ASAH1: variants seen among roughly 807,000 people sequenced by gnomAD.
ASAH1 encodes the protein N-acylsphingosine amidohydrolase 1.
A neutral mutation model predicts 59.5 loss-of-function variants in ASAH1; 70 were observed. The ratio of observed to expected loss-of-function variants is 1.18; its 90% confidence interval spans 0.97 to 1.43. The LOEUF is 1.43. ASAH1 is among the 40% of genes most tolerant of loss of function. The pLI is 0.00. For synonymous variants in ASAH1, 213 were observed against 166.5 expected, an observed-to-expected ratio of 1.28 and a Z score of -2.15; for missense variants, 660 against 482.5, an observed-to-expected ratio of 1.37 and a Z score of -3.45.
chr8:18,084,355 A>C (rs1266676543), upstream of ASAH1: 17 of 1,408,710 alleles, frequency 1.2e-5, no homozygotes, highest in Non-Finnish European at 1.6e-5. Context: ...ACCGCGGGCA[A>C]TAGTCGGACC....
At chr8:18,079,361 G>C (rs1022889990) in intron 1 of ASAH1, among the ~76,000 whole-genome samples, 1 of 150,054 alleles carries the variant, frequency 6.7e-6, no homozygotes, top group Non-Finnish European at 1.5e-5. Flanking sequence ...CTGGTTATTT[G>C]ATAGAAACTT....
intron 4 of ASAH1, among the ~76,000 whole-genome samples, chr8:18,068,848 G>A (rs13278381): frequency 0.31 from 47,259 of 152,030 alleles, 8,354 homozygotes; most frequent in Admixed American, 0.4. Context: ...AACCCAGGCC[G>A]GGCATGGCGG....
intron 1 of ASAH1, 103 bp from the exon 2 acceptor site, chr8:18,075,690 T>C: frequency 1.9e-6 from 2 of 1,059,944 alleles, no homozygotes; most frequent in Non-Finnish European, 2.9e-6. Context: ...TCAAGTCTGA[T>C]ATTGCTCTTT....
chr8:18,063,430 C>T (rs552727195), intron 6 of ASAH1, 200 bp from the exon 7 acceptor site: 498 of 562,578 alleles, frequency 8.9e-4, no homozygotes, highest in Non-Finnish European at 1.3e-3. Context: ...CAGCCTTCCA[C>T]GTAGTTGGGA....
At chr8:18,083,819 C>T in intron 1 of ASAH1, 162 bp downstream of exon 1, 1 of 1,429,360 alleles carries the variant, frequency 7.0e-7, no homozygotes, top group East Asian at 2.5e-5. Flanking sequence ...GGTTCGCCAG[C>T]CCGCTCTGCA....
chr8:18,057,424 A>G lies in ASAH1; in HGVS notation c.*110T>C. 1 of 775,496 alleles carries G rather than the reference A, an allele frequency of 1.3e-6. No individual in the cohort carries two copies. The highest frequency in any genetic ancestry group is 1.4e-5 in the South Asian group (1 of 70,864). The allele number at this position is 775,496 out of a possible 1,614,324, so 48.0% of individuals were successfully genotyped here. A position where few individuals can be genotyped will look rare whatever the true frequency, so the allele number is the denominator to read the frequency against. On this transcript the variant is annotated 3_prime_UTR_variant, in exon 14 of 14. Coordinates refer to ENST00000637790, the MANE Select transcript of ASAH1 (RefSeq NM_177924.5). ...GAAGACAAGCTATTGACTCAAAGAG[A>G]ACCTGCCGCGAGTCTTAGTCTTTGG...
chr8:18,074,898 T>C (rs981394133), intron 2 of ASAH1, among the ~76,000 whole-genome samples: 5 of 152,088 alleles, frequency 3.3e-5, no homozygotes, highest in African/African-American at 7.2e-5. Context: ...CCAGGCACCA[T>C]AGAGAATCAC....
chr8:18,075,730 CTT>C (rs1800377692), intron 1 of ASAH1, 143 bp from the exon 2 acceptor site: 1 of 719,192 alleles, frequency 1.4e-6, no homozygotes, highest in Non-Finnish European at 2.4e-6. Context: ...TAAAATAAGT[CTT>C]TTCTTTCCAA....
chr8:18,074,071 G>A (rs765307827), intron 2 of ASAH1, among the ~76,000 whole-genome samples: 1 of 152,140 alleles, frequency 6.6e-6, no homozygotes. Context: ...TGGTTTGCAG[G>A]GCATTCAATT....
rs932468889 is a variant in ASAH1, at chr8:18,057,277, G to A, written c.*257C>T. 1.4e-5 allele frequency: 5 copies of A among 347,212 alleles called. No individual in the cohort carries two copies. The highest frequency in any genetic ancestry group is 2.3e-5 in the South Asian group (1 of 43,084). 21.5% of individuals were successfully genotyped at this position (347,212 alleles called of 1,614,324 possible). On this transcript the variant is annotated 3_prime_UTR_variant, in exon 14 of 14. Transcript: ENST00000637790. ...CCACCAGATCCCCAAATGTCAAAGT[G>A]AAACAAAACTCAGTGAATTCTAGAT...
At position 18,059,431 on chromosome 8, in the gene ASAH1, T is replaced by A; in HGVS notation, c.951A>T (p.Val317=). ...GTTTCCAACGGTCATAATTTGTTTG[T>A]ACCACATACCATCTACCCTGCTTAG... is the stretch of plus-strand genomic sequence containing the variant. ...LDAKQGRWYV[V]QTNYDRWKHP... is the part of the protein sequence containing the mutation. Residue 317 remains valine, a synonymous_variant, in exon 12 of 14, where the codon GTA becomes GTT. Coordinates refer to ENST00000637790, the MANE Select transcript of ASAH1 (RefSeq NM_177924.5). 4 of 1,614,230 alleles carry A rather than the reference T, an allele frequency of 2.5e-6. No homozygotes were observed. Among genetic ancestry groups the A allele is most frequent in the Non-Finnish European group, 3.4e-6 (4 of 1,180,042 alleles).
At chr8:18,071,569 C>T (rs1800179533) in intron 2 of ASAH1, among the ~76,000 whole-genome samples, 179 bp from the exon 3 acceptor site, 1 of 151,792 alleles carries the variant, frequency 6.6e-6, no homozygotes, top group Non-Finnish European at 1.5e-5. Flanking sequence ...GTTGAGAACA[C>T]AATCATAAGC....
chr8:18,060,483 AG>A (rs1461313862), intron 10 of ASAH1: 2 of 152,340 alleles, frequency 1.3e-5, no homozygotes. Context: ...AACAGAACAA[AG>A]GGAAATAATA....
At chr8:18,081,180 G>A (rs1184476873) in intron 1 of ASAH1, among the ~76,000 whole-genome samples, 4 of 152,162 alleles carry the variant, frequency 2.6e-5, no homozygotes, top group Non-Finnish European at 4.4e-5. Flanking sequence ...TTCGCCCAGC[G>A]AAGCACTTCA....
chr8:18,058,744 G>T, intron 13 of ASAH1, 91 bp downstream of exon 13: 2 of 1,196,666 alleles, frequency 1.7e-6, no homozygotes, highest in Non-Finnish European at 2.5e-6. Context: ...CACCTTTTGT[G>T]CTCAAACTGA....
chr8:18,080,021 G>A (rs11986226), intron 1 of ASAH1, among the ~76,000 whole-genome samples: 63,095 of 152,066 alleles, frequency 0.41, 14,139 homozygotes, highest in Non-Finnish European at 0.51. Context: ...GCGTTTAGGA[G>A]TCTGGCACAT....
chr8:18,079,202 G>C (rs1292890825), intron 1 of ASAH1, among the ~76,000 whole-genome samples: 1 of 151,594 alleles, frequency 6.6e-6, no homozygotes, highest in Non-Finnish European at 1.5e-5. Context: ...GAAGCCGGGA[G>C]GTGGAAGTTG....
chr8:18,082,210 T>C (rs1800682492), intron 1 of ASAH1, among the ~76,000 whole-genome samples: 1 of 152,232 alleles, frequency 6.6e-6, no homozygotes, highest in Admixed American at 6.5e-5. Context: ...AGATAAGAAC[T>C]ATTATATCCA....
intron 4 of ASAH1, chr8:18,067,576 C>G (rs1003213330): frequency 7.1e-5 from 12 of 169,286 alleles, no homozygotes; most frequent in Non-Finnish European, 1.2e-4. Flanking sequence ...TTCCATCATT[C>G]TCCAGAGAAG....
Sources: allele counts gnomAD v4.1 joint callset (sites outside exome capture counted in the v4.1 genomes callset), GRCh38; gene constraint gnomAD v4.1.1; transcripts MANE v1.5; gene names NCBI Gene and HGNC (gene_info 2026-07-23, HGNC 2026-07-21).